Variants in ANKS6 observed in about 807,000 individuals in gnomAD.
The protein encoded by ANKS6 is ankyrin repeat and SAM domain-containing protein 6.
ANKS6 carries 47 observed loss-of-function variants against 77.9 expected under a neutral mutation model. That is an observed-to-expected ratio of 0.60 (90% confidence interval 0.48 to 0.77). The LOEUF is 0.77. Ranked by LOEUF, ANKS6 falls within the 30% of genes least tolerant of loss-of-function variation. The pLI, the probability that ANKS6 is intolerant of heterozygous loss-of-function variation, is 0.00. For missense variants in ANKS6, 1,150 were observed against 1,159.1 expected (o/e 0.99, Z 0.11); for synonymous variants, 488 against 501.7 (o/e 0.97, Z 0.37).
chr9:98,795,838 T>TA (rs1324240453), intron 1 of ANKS6, among the ~76,000 whole-genome samples: 1 of 152,230 alleles, frequency 6.6e-6, no homozygotes, highest in Non-Finnish European at 1.5e-5. Flanking sequence ...AGGAAACTCT[T>TA]ACTGCAATAA....
At position 98,733,991 on chromosome 9, in the gene ANKS6, C is replaced by A. The variant is rs1831349326; in HGVS notation, c.*2528G>T. On this transcript the variant is annotated 3_prime_UTR_variant, in exon 15 of 15. Coordinates refer to ENST00000353234, the MANE Select transcript of ANKS6 (RefSeq NM_173551.5). ...ACGTGTGGGAAGGGAAGGGGGTGAT[C>A]AAGGACCAAAAATCAGAAAAACAAG... 13 of 985,156 alleles carry A rather than the reference C, an allele frequency of 1.3e-5. No individual in the cohort carries two copies. The South Asian group carries it at 6.1e-4, about 46-fold the overall frequency. The allele number at this position is 985,156 out of a possible 1,614,324, so 61.0% of individuals were successfully genotyped here.
rs1831711959 is a variant in ANKS6 at position 98,739,758 on chromosome 9, A to ACTTTTTTTTTTTTT, written c.2512-3136_2512-3135insAAAAAAAAAAAAAG. Among the ~76,000 whole-genome samples, 2 of 88,858 alleles carry ACTTTTTTTTTTTTT rather than the reference A, an allele frequency of 2.3e-5. 1 individual carries two copies. Among genetic ancestry groups the ACTTTTTTTTTTTTT allele is most frequent in the Non-Finnish European group, 4.1e-5 (2 of 48,402 alleles). The allele number at this position is 88,858 out of a possible 152,430, so 58.3% of individuals were successfully genotyped here. A position where few individuals can be genotyped will look rare whatever the true frequency, so the allele number is the denominator to read the frequency against. Reference sequence around the variant, plus strand: ...CTCAGAGGGCAGCAGTGGATTAAACATTTTTTTTTTTTTTTTGAGACGGAG... The same window carrying ACTTTTTTTTTTTTT: ...CTCAGAGGGCAGCAGTGGATTAAACACTTTTTTTTTTTTTTTTTTTTTTTTTTTTTGAGACGGAG... On this transcript the variant is annotated intron_variant, in intron 14 of 14. Transcript: ENST00000353234.
chr9:98,778,726 C>G (rs1224389690), intron 6 of ANKS6, among the ~76,000 whole-genome samples: 1 of 152,212 alleles, frequency 6.6e-6, no homozygotes, highest in East Asian at 1.9e-4. Flanking sequence ...GAAATGGAGA[C>G]CCAGACAGGA....
chr9:98,783,308 A>G (rs1834384455), intron 4 of ANKS6, among the ~76,000 whole-genome samples: 1 of 152,164 alleles, frequency 6.6e-6, no homozygotes, highest in African/African-American at 2.4e-5. Context: ...TCGAATAAGA[A>G]AACAAACTGT....
intron 14 of ANKS6, among the ~76,000 whole-genome samples, chr9:98,739,727 C>A (rs1043028747): frequency 2.7e-5 from 4 of 150,474 alleles, no homozygotes; most frequent in Admixed American, 6.6e-5. Context: ...GCAGACAGAT[C>A]CTATCCTCAG....
intron 11 of ANKS6, among the ~76,000 whole-genome samples, chr9:98,764,547 G>A (rs1041710439): frequency 3.3e-5 from 5 of 152,134 alleles, no homozygotes. Context: ...GAGTACTGAT[G>A]TTTTATATGT....
intron 14 of ANKS6, among the ~76,000 whole-genome samples, chr9:98,740,016 A>T (rs1445290040): frequency 6.6e-6 from 1 of 152,060 alleles, no homozygotes; most frequent in Admixed American, 6.5e-5. Context: ...CGGCCTCCCA[A>T]AGTGGGATTA....
In ANKS6 at chr9:98,736,536, T is replaced by C; in HGVS notation, c.2599A>G (p.Asn867Asp). Reference sequence around the variant, plus strand: ...AAGGAGGATCACGCACAGGGGCTGTTGCCAGGGGCCCTGGTGTTGCTGGCA... The same window carrying C: ...AAGGAGGATCACGCACAGGGGCTGTCGCCAGGGGCCCTGGTGTTGCTGGCA... ...SSASNTRAPG[N>D]SPCA is the part of the protein sequence containing the mutation. Residue 867 changes from asparagine (N) to aspartate (D), a missense_variant, in exon 15 of 15, where the codon AAC becomes GAC. Transcript: ENST00000353234. The C allele has an allele frequency of 1.2e-6, 2 of 1,612,290 alleles. No homozygotes were observed. Among genetic ancestry groups the C allele is most frequent in the Non-Finnish European group, 1.7e-6 (2 of 1,178,846 alleles).
rs1057212297 is a variant in ANKS6, at chr9:98,739,783, G to A, written c.2512-3160C>T. Among the ~76,000 whole-genome samples the A allele has an allele frequency of 3.5e-4, 3 of 8,460 alleles. No homozygotes were observed. In the African/African-American group the frequency reaches 5.6e-3, roughly 16 times the overall value. 5.6% of individuals were successfully genotyped at this position (8,460 alleles called of 152,430 possible). ...ATTTTTTTTTTTTTTTTGAGACGGA[G>A]TCTTGCTGTCGCCCAGGCTGGAGTG... On this transcript the variant is annotated intron_variant, in intron 14 of 14. Transcript: ENST00000353234.
At chr9:98,750,838 C>CA (rs1304023429) in intron 13 of ANKS6, among the ~76,000 whole-genome samples, 191 bp downstream of exon 13, 2 of 152,154 alleles carry the variant, frequency 1.3e-5, no homozygotes, top group African/African-American at 4.8e-5. Context: ...TCTATCATAA[C>CA]AAAGCAAGCC....
At position 98,736,027 on chromosome 9, in the gene ANKS6, C is replaced by A. The variant is rs7038922; in HGVS notation, c.*492G>T. 922 of 1,202,500 alleles carry A rather than the reference C, an allele frequency of 7.7e-4. 7 individuals carry two copies. The African/African-American group carries it at 0.013, about 17-fold the overall frequency. 74.5% of individuals were successfully genotyped at this position (1,202,500 alleles called of 1,614,324 possible). ...CCCCCATCTAAGTCAAAAGTTGTTGCTGGGAAGCCACTATGTGGAGACTGC... is the reference window on the plus strand; with the variant it reads ...CCCCCATCTAAGTCAAAAGTTGTTGATGGGAAGCCACTATGTGGAGACTGC... On this transcript the variant is annotated 3_prime_UTR_variant, in exon 15 of 15. Transcript: ENST00000353234.
intron 13 of ANKS6, among the ~76,000 whole-genome samples, chr9:98,748,736 G>GA (rs1416173645): frequency 6.6e-6 from 1 of 152,038 alleles, no homozygotes; most frequent in South Asian, 2.1e-4. Context: ...CTTTTTGTGG[G>GA]AAAAATCACC....
intron 14 of ANKS6, among the ~76,000 whole-genome samples, chr9:98,744,093 T>C (rs1249833429): frequency 6.6e-6 from 1 of 152,088 alleles, no homozygotes; most frequent in Non-Finnish European, 1.5e-5. Flanking sequence ...CTTCCCTATA[T>C]GTAAAGTGAG....
At chr9:98,757,958 T>A (rs551302544) in intron 11 of ANKS6, among the ~76,000 whole-genome samples, 7 of 146,720 alleles carry the variant, frequency 4.8e-5, no homozygotes, top group African/African-American at 1.5e-4. Context: ...TAAATAAATA[T>A]ACAAAATAAA....
chr9:98,768,359 C>T, intron 10 of ANKS6, 109 bp from the exon 11 acceptor site: 4 of 1,365,910 alleles, frequency 2.9e-6, no homozygotes, highest in Non-Finnish European at 4.0e-6. Flanking sequence ...TCCCAGACTC[C>T]CTTCCCCATG....
chr9:98,787,056 C>G (rs1032689843), intron 2 of ANKS6, among the ~76,000 whole-genome samples: 1 of 152,214 alleles, frequency 6.6e-6, no homozygotes, highest in Non-Finnish European at 1.5e-5. Flanking sequence ...ACAGTTACAG[C>G]ATCAAAAGTA....
In ANKS6 at chr9:98,760,885, A is replaced by G. The variant is rs150970900; in HGVS notation, c.2143-4282T>C. On this transcript the variant is annotated intron_variant, in intron 11 of 14. Transcript: ENST00000353234. ...GGTTCACAGATTTTTGTGTGAAGAGAAATTTTTTAAAAATCCACCTAGTAG... is the reference window on the plus strand; with the variant it reads ...GGTTCACAGATTTTTGTGTGAAGAGGAATTTTTTAAAAATCCACCTAGTAG... Among the ~76,000 whole-genome samples the G allele has an allele frequency of 2.9e-3, 438 of 152,336 alleles. 2 individuals are homozygous for G. The highest frequency in any genetic ancestry group is 0.01 in the African/African-American group (420 of 41,586).
chr9:98,768,061 A>C lies in ANKS6; in HGVS notation c.2142+20T>G, dbSNP rs755065572. 32 of 1,592,164 alleles carry C rather than the reference A, an allele frequency of 2.0e-5. No individual in the cohort carries two copies. Among genetic ancestry groups the C allele is most frequent in the Non-Finnish European group, 2.5e-5 (29 of 1,169,908 alleles). ...CAGAATCTGTGAGTGTAACAGGAGG[A>C]GGCCACACAAAACAAGCACCTTGCC... On this transcript the variant is annotated intron_variant, in intron 11 of 14. Transcript: ENST00000353234.
At chr9:98,737,383 G>T (rs1414050576) in intron 14 of ANKS6, among the ~76,000 whole-genome samples, 1 of 152,094 alleles carries the variant, frequency 6.6e-6, no homozygotes, top group Non-Finnish European at 1.5e-5. Flanking sequence ...CAAAGTTTCT[G>T]GATACAAGAT....
Sources: gnomAD v4.1 joint callset for allele counts (sites outside exome capture counted in the v4.1 genomes callset) on GRCh38, gnomAD v4.1.1 for gene constraint, MANE v1.5 for transcripts, NCBI Gene and HGNC (gene_info 2026-07-23, HGNC 2026-07-21) for gene names.